FSTL5: variants seen among roughly 807,000 people sequenced by gnomAD.
FSTL5 encodes follistatin like 5, also known as follistatin-related protein 5.
Under a neutral mutation model 89.1 loss-of-function variants are expected in FSTL5, and 62 were observed. The observed-to-expected ratio is 0.70, with a 90% confidence interval of 0.57 to 0.86. The LOEUF (loss-of-function observed/expected upper bound fraction) is 0.86, where lower values mean the gene tolerates loss of function less well. Ranked by LOEUF, FSTL5 falls within the 40% of genes least tolerant of loss-of-function variation. FSTL5 has a pLI of 0.00. For synonymous variants in FSTL5, 383 were observed against 346.2 expected, an observed-to-expected ratio of 1.11 and a Z score of -1.18; for missense variants, 1,057 against 1,001.6, an observed-to-expected ratio of 1.06 and a Z score of -0.75.
intron 11 of FSTL5, among the ~76,000 whole-genome samples, chr4:161,503,501 G>A (rs1267687129): frequency 2.0e-5 from 3 of 151,912 alleles, no homozygotes; most frequent in African/African-American, 7.2e-5. Flanking sequence ...TGATACACAT[G>A]TGTGTGCATA....
chr4:161,477,164 T>A (rs1729301865), intron 13 of FSTL5, among the ~76,000 whole-genome samples: 2 of 151,830 alleles, frequency 1.3e-5, no homozygotes, highest in Admixed American at 6.6e-5. Flanking sequence ...TTCCACTTAG[T>A]CTTTTTGTAA....
intron 2 of FSTL5, among the ~76,000 whole-genome samples, chr4:162,096,431 T>C (rs1730755575): frequency 6.6e-6 from 1 of 151,604 alleles, no homozygotes; most frequent in Admixed American, 6.6e-5. Flanking sequence ...AGATATATAA[T>C]CAGAAATGCT....
chr4:161,613,342 C>G (rs1441738548), intron 7 of FSTL5, among the ~76,000 whole-genome samples: 1 of 151,208 alleles, frequency 6.6e-6, no homozygotes, highest in Non-Finnish European at 1.5e-5. Context: ...TCACAGCTCT[C>G]GGGAGGCTGA....
chr4:161,757,281 T>C (rs1740604007), intron 6 of FSTL5, among the ~76,000 whole-genome samples: 2 of 152,196 alleles, frequency 1.3e-5, no homozygotes, highest in South Asian at 4.1e-4. Flanking sequence ...TATCGTATTT[T>C]CAACTTACTT....
intron 8 of FSTL5, among the ~76,000 whole-genome samples, chr4:161,582,636 T>C (rs1032329674): frequency 6.6e-6 from 1 of 152,186 alleles, no homozygotes; most frequent in African/African-American, 2.4e-5. Context: ...TACCCCACCA[T>C]TTCTAGATAT....
intron 4 of FSTL5, among the ~76,000 whole-genome samples, chr4:161,913,291 A>G (rs979130384): frequency 3.9e-5 from 6 of 152,114 alleles, no homozygotes; most frequent in African/African-American, 1.4e-4. Flanking sequence ...CTTCCATCAC[A>G]GGCCCGGAGG....
At chr4:161,829,003 A>G (rs1730754098) in intron 4 of FSTL5, among the ~76,000 whole-genome samples, 1 of 151,838 alleles carries the variant, frequency 6.6e-6, no homozygotes, top group African/African-American at 2.4e-5. Flanking sequence ...CAGGTTAAGA[A>G]TTAAGTTATT....
intron 1 of FSTL5, among the ~76,000 whole-genome samples, chr4:162,116,709 TA>T (rs150365034): frequency 2.4e-3 from 367 of 152,270 alleles, no homozygotes; most frequent in African/African-American, 8.1e-3. Context: ...TTAAAAGAGT[TA>T]GAGGCTGATG....
intron 4 of FSTL5, among the ~76,000 whole-genome samples, chr4:161,851,478 T>G (rs1276291143): frequency 1.3e-5 from 2 of 152,296 alleles, no homozygotes; most frequent in East Asian, 3.9e-4. Flanking sequence ...TCAGGTATCT[T>G]TCGTAATGAT....
intron 3 of FSTL5, among the ~76,000 whole-genome samples, chr4:161,986,214 T>A (rs1735959093): frequency 6.6e-6 from 1 of 151,864 alleles, no homozygotes; most frequent in African/African-American, 2.4e-5. Flanking sequence ...CAGTACTCAC[T>A]GAAGAACATG....
intron 7 of FSTL5, among the ~76,000 whole-genome samples, chr4:161,644,613 T>C (rs1273631350): frequency 6.6e-6 from 1 of 151,620 alleles, no homozygotes; most frequent in East Asian, 1.9e-4. Context: ...AGTGTGAACA[T>C]GGGAGAATAG....
intron 4 of FSTL5, among the ~76,000 whole-genome samples, chr4:161,781,780 G>A (rs1217879401): frequency 4.6e-5 from 7 of 152,098 alleles, no homozygotes; most frequent in African/African-American, 1.7e-4. Context: ...ATACATTAAA[G>A]TTCTTGATGT....
intron 3 of FSTL5, among the ~76,000 whole-genome samples, chr4:161,996,301 C>T (rs567709321): frequency 6.6e-6 from 1 of 152,248 alleles, no homozygotes; most frequent in Non-Finnish European, 1.5e-5. Context: ...CAGTGAAATA[C>T]TCTGCTCTGG....
intron 12 of FSTL5, among the ~76,000 whole-genome samples, chr4:161,486,728 C>A (rs1225778215): frequency 1.3e-5 from 2 of 152,112 alleles, no homozygotes. Context: ...ATAGGAAATA[C>A]AACCGTCAAC....
At chr4:161,829,341 G>T (rs1730770534) in intron 4 of FSTL5, among the ~76,000 whole-genome samples, 1 of 149,546 alleles carries the variant, frequency 6.7e-6, no homozygotes, top group South Asian at 2.1e-4. Context: ...AAAGCTAAAA[G>T]AAAAAAAATG....
At chr4:161,728,660 T>C (rs561977011) in intron 6 of FSTL5, among the ~76,000 whole-genome samples, 2 of 152,240 alleles carry the variant, frequency 1.3e-5, no homozygotes, top group African/African-American at 4.8e-5. Context: ...TGGTAATATA[T>C]ACCAGGCAAA....
At chr4:162,040,819 C>CT (rs767223314) in intron 2 of FSTL5, among the ~76,000 whole-genome samples, 34 of 124,582 alleles carry the variant, frequency 2.7e-4, no homozygotes, top group African/African-American at 6.9e-4. Flanking sequence ...TATTATTTAT[C>CT]TTTTTTTTTC....
At chr4:161,602,696 A>C (rs1459220408) in intron 7 of FSTL5, among the ~76,000 whole-genome samples, 1 of 152,214 alleles carries the variant, frequency 6.6e-6, no homozygotes, top group African/African-American at 2.4e-5. Flanking sequence ...GCTTCTTATC[A>C]GAAGTTTTGA....
At chr4:161,823,558 G>A (rs1730567357) in intron 4 of FSTL5, among the ~76,000 whole-genome samples, 1 of 152,216 alleles carries the variant, frequency 6.6e-6, no homozygotes, top group Non-Finnish European at 1.5e-5. Flanking sequence ...AGGGACTTCT[G>A]AGCCTGAAGG....
Sources: gnomAD v4.1 joint callset for allele counts (sites outside exome capture counted in the v4.1 genomes callset) on GRCh38, gnomAD v4.1.1 for gene constraint, MANE v1.5 for transcripts, NCBI Gene and HGNC (gene_info 2026-07-23, HGNC 2026-07-21) for gene names.